Variants in PTPRT observed in about 807,000 individuals in gnomAD.
PTPRT encodes the protein receptor-type tyrosine-protein phosphatase T.
PTPRT carries 56 observed loss-of-function variants against 176.8 expected under a neutral mutation model. That is an observed-to-expected ratio of 0.32 (90% CI 0.26 to 0.40). PTPRT has a LOEUF of 0.40. Among genes scored for constraint, PTPRT ranks in the 10% least tolerant of loss-of-function variants. The probability of loss-of-function intolerance (pLI) is 1.00; values close to 1 mark genes in which losing one functional copy is unlikely to be tolerated. For missense variants in PTPRT, 1,540 were observed against 1,908.2 expected, an observed-to-expected ratio of 0.81 and a Z score of 3.60; for synonymous variants, 783 against 739.0, an observed-to-expected ratio of 1.06 and a Z score of -0.96.
At chr20:42,811,377 T>G (rs895997707) in intron 2 of PTPRT, among the ~76,000 whole-genome samples, 4 of 152,164 alleles carry the variant, frequency 2.6e-5, no homozygotes, top group African/African-American at 9.7e-5. Context: ...AAAATATATG[T>G]CACTTTAAGT....
chr20:42,888,747 G>T lies in PTPRT; in HGVS notation c.89-2815C>A, dbSNP rs570927820. On this transcript the variant is annotated intron_variant, in intron 1 of 30. Coordinates refer to ENST00000373187, the MANE Select transcript of PTPRT (RefSeq NM_007050.6). ...CAAATCCATTCCTTCACTTATTCTAGAAACATTCAACAAGTTTTTTTAATG... is the reference window on the plus strand; with the variant it reads ...CAAATCCATTCCTTCACTTATTCTATAAACATTCAACAAGTTTTTTTAATG... 5.9e-5 allele frequency among the ~76,000 whole-genome samples: 9 copies of T among 152,248 alleles called. No homozygotes were observed. In the East Asian group the frequency reaches 1.7e-3, roughly 29 times the overall value.
chr20:42,236,108 A>T, intron 15 of PTPRT, 121 bp downstream of exon 15: 1 of 819,456 alleles, frequency 1.2e-6, no homozygotes, highest in Non-Finnish European at 1.9e-6. Context: ...CTTTAAGGCT[A>T]CAGACAACTT....
At chr20:42,490,675 C>T (rs73273328) in intron 7 of PTPRT, among the ~76,000 whole-genome samples, 2,176 of 152,122 alleles carry the variant, frequency 0.014, 54 homozygotes, top group South Asian at 0.092. Context: ...AATCCTCATA[C>T]ATCTTATTTC....
At chr20:42,543,867 A>G (rs2145588445) in intron 7 of PTPRT, among the ~76,000 whole-genome samples, 2 of 152,186 alleles carry the variant, frequency 1.3e-5, no homozygotes, top group Middle Eastern at 6.8e-3. Flanking sequence ...TACATTGTCC[A>G]TGGGCAGTAA....
intron 9 of PTPRT, among the ~76,000 whole-genome samples, chr20:42,432,451 TG>T (rs1222096225): frequency 6.6e-6 from 1 of 152,202 alleles, no homozygotes. Context: ...GACGCCTTCT[TG>T]GCCAAGGGGA....
At chr20:42,613,812 A>G (rs2074016094) in intron 7 of PTPRT, among the ~76,000 whole-genome samples, 1 of 151,952 alleles carries the variant, frequency 6.6e-6, no homozygotes, top group South Asian at 2.1e-4. Flanking sequence ...TTTCCTACCC[A>G]CCTTGAATAT....
At chr20:42,852,728 C>T (rs2078497388) in intron 2 of PTPRT, among the ~76,000 whole-genome samples, 1 of 152,166 alleles carries the variant, frequency 6.6e-6, no homozygotes, top group South Asian at 2.1e-4. Flanking sequence ...TTTCACAAAC[C>T]CTCTCATCTG....
chr20:42,975,355 A>G (rs1380558419), intron 1 of PTPRT, among the ~76,000 whole-genome samples: 1 of 152,170 alleles, frequency 6.6e-6, no homozygotes, highest in Non-Finnish European at 1.5e-5. Flanking sequence ...AAAATGCACC[A>G]ACAACCCTAA....
intron 7 of PTPRT, among the ~76,000 whole-genome samples, chr20:42,649,026 A>G (rs1032431734): frequency 9.9e-5 from 15 of 151,814 alleles, no homozygotes; most frequent in Non-Finnish European, 2.2e-4. Flanking sequence ...TCACCGTGTT[A>G]GCCAGGATGG....
At chr20:42,034,453 GT>G in the PTPRT span, among the ~76,000 whole-genome samples, 1 of 152,098 alleles carries the variant, frequency 6.6e-6, no homozygotes, top group Non-Finnish European at 1.5e-5. Context: ...AAGGATAAAA[GT>G]TCACAGCCCA....
chr20:42,832,087 T>C (rs780318053), intron 2 of PTPRT, among the ~76,000 whole-genome samples: 18 of 152,214 alleles, frequency 1.2e-4, no homozygotes, highest in Non-Finnish European at 2.4e-4. Flanking sequence ...TGAATGTTCA[T>C]GGCAGCACTA....
chr20:42,054,215 G>A, the PTPRT span, among the ~76,000 whole-genome samples: 1 of 152,296 alleles, frequency 6.6e-6, no homozygotes, highest in Middle Eastern at 3.4e-3. Flanking sequence ...TAAGGTTTAG[G>A]AGGAGTCCAG....
chr20:42,366,274 T>G (rs190031855), intron 9 of PTPRT, among the ~76,000 whole-genome samples: 1 of 152,226 alleles, frequency 6.6e-6, no homozygotes, highest in Non-Finnish European at 1.5e-5. Flanking sequence ...CATTGGCAGA[T>G]GGGTGGTGCC....
chr20:42,587,532 C>T lies in PTPRT; in HGVS notation c.1153+90334G>A, dbSNP rs114306831. On this transcript the variant is annotated intron_variant, in intron 7 of 30. Coordinates refer to ENST00000373187, the MANE Select transcript of PTPRT (RefSeq NM_007050.6). ...GACTCAACTCTGACCCTTGCACGGC[C>T]TGAGCCCTGACTTGGGCCACGGACT... Among the ~76,000 whole-genome samples, 1,503 of 152,366 alleles carry T rather than the reference C, an allele frequency of 9.9e-3. 25 individuals carry two copies. The highest frequency in any genetic ancestry group is 0.034 in the African/African-American group (1,414 of 41,584).
intron 9 of PTPRT, among the ~76,000 whole-genome samples, chr20:42,409,479 C>T (rs1271292283): frequency 1.0e-4 from 6 of 59,940 alleles, no homozygotes; most frequent in African/African-American, 3.2e-4. Context: ...GAGACTCTGT[C>T]GCAAAAAAAA....
intron 1 of PTPRT, among the ~76,000 whole-genome samples, chr20:42,990,254 A>T (rs556277878): frequency 2.6e-4 from 39 of 152,280 alleles, no homozygotes; most frequent in Admixed American, 7.8e-4. Flanking sequence ...ATTGGGAAAA[A>T]ATCTATTGGA....
At chr20:42,796,464 A>G (rs942121924) in intron 2 of PTPRT, among the ~76,000 whole-genome samples, 1 of 152,204 alleles carries the variant, frequency 6.6e-6, no homozygotes, top group Non-Finnish European at 1.5e-5. Flanking sequence ...TCATTTTATA[A>G]ACTCCAGTAG....
chr20:42,451,526 A>G (rs1449299316), intron 8 of PTPRT, among the ~76,000 whole-genome samples: 1 of 152,176 alleles, frequency 6.6e-6, no homozygotes, highest in African/African-American at 2.4e-5. Flanking sequence ...AAATAGGTCT[A>G]AGACTAAGTG....
intron 1 of PTPRT, among the ~76,000 whole-genome samples, chr20:43,034,671 C>A (rs1600664014): frequency 6.8e-6 from 1 of 147,388 alleles, no homozygotes; most frequent in Non-Finnish European, 1.5e-5. Context: ...ACTGCAATTA[C>A]TTTTGCACCA....
Sources: gnomAD v4.1 joint callset for allele counts (sites outside exome capture counted in the v4.1 genomes callset) on GRCh38, gnomAD v4.1.1 for gene constraint, MANE v1.5 for transcripts, NCBI Gene and HGNC (gene_info 2026-07-23, HGNC 2026-07-21) for gene names.